Variants in ANKRD13C observed in about 807,000 individuals in gnomAD.
ANKRD13C encodes the protein ankyrin repeat domain 13C.
ANKRD13C carries 16 observed loss-of-function variants against 65.5 expected under a neutral mutation model. That is an observed-to-expected ratio of 0.24 (90% CI 0.17 to 0.37). The LOEUF (loss-of-function observed/expected upper bound fraction) is 0.37, where lower values mean the gene tolerates loss of function less well. Ranked by LOEUF, ANKRD13C falls within the 10% of genes least tolerant of loss-of-function variation. The pLI is 1.00. For missense variants in ANKRD13C, 503 were observed against 655.9 expected (o/e 0.77, Z 2.55); for synonymous variants, 235 against 238.7 (o/e 0.98, Z 0.14).
chr1:70,347,645 G>A (rs1344518190), intron 1 of ANKRD13C, among the ~76,000 whole-genome samples: 1 of 152,112 alleles, frequency 6.6e-6, no homozygotes, highest in Admixed American at 6.6e-5. Context: ...GTAAGCAGTG[G>A]GTGAAGTTCT....
At chr1:70,271,976 C>T (rs61785284) in intron 11 of ANKRD13C, among the ~76,000 whole-genome samples, 12,175 of 152,040 alleles carry the variant, frequency 0.08, 565 homozygotes, top group South Asian at 0.22. Context: ...TCAGTTACAT[C>T]GATTCTGTTC....
At chr1:70,270,828 TA>T in intron 12 of ANKRD13C, 27 bp downstream of exon 12, 1 of 1,470,870 alleles carries the variant, frequency 6.8e-7, no homozygotes, top group Non-Finnish European at 9.4e-7. Context: ...TAATGGACAC[TA>T]AAATTATATC....
At chr1:70,278,408 A>T (rs1356574647) in intron 9 of ANKRD13C, among the ~76,000 whole-genome samples, 1 of 151,174 alleles carries the variant, frequency 6.6e-6, no homozygotes, top group African/African-American at 2.4e-5. Flanking sequence ...CAGGAGAATC[A>T]CCTGAACCCA....
At chr1:70,269,761 G>A (rs1167907503) in intron 12 of ANKRD13C, among the ~76,000 whole-genome samples, 1 of 150,230 alleles carries the variant, frequency 6.7e-6, no homozygotes, top group East Asian at 1.9e-4. Context: ...TTTTCATCTA[G>A]AAAATGTTTA....
chr1:70,274,608 T>C, intron 11 of ANKRD13C, 112 bp downstream of exon 11: 1 of 794,930 alleles, frequency 1.3e-6, no homozygotes, highest in Non-Finnish European at 2.1e-6. Flanking sequence ...GCAATGGCTA[T>C]TTGCTTTTCA....
chr1:70,336,147 A>T (rs770204858), intron 1 of ANKRD13C, 48 bp from the exon 2 acceptor site: 2 of 519,514 alleles, frequency 3.8e-6, no homozygotes, highest in Admixed American at 4.9e-5. Context: ...GTAAAAACAT[A>T]AGAACATTTA....
rs571339441 is a variant in ANKRD13C, at chr1:70,318,194, T to G, written c.578-2628A>C. Among the ~76,000 whole-genome samples, 3 of 152,324 alleles carry G rather than the reference T, an allele frequency of 2.0e-5. No homozygotes were observed. In the South Asian group the frequency reaches 6.2e-4, roughly 32 times the overall value. On this transcript the variant is annotated intron_variant, in intron 3 of 12. Transcript: ENST00000370944. The stretch of plus-strand genomic sequence containing the variant: ...CCTTTTTAGGGATCAGTATTTGTAT[T>G]CCCATATTGTAAGAATTTTATTAAT...
At chr1:70,306,913 T>C (rs1680610834) in intron 5 of ANKRD13C, among the ~76,000 whole-genome samples, 1 of 152,204 alleles carries the variant, frequency 6.6e-6, no homozygotes, top group Non-Finnish European at 1.5e-5. Flanking sequence ...TTATTTATTA[T>C]CTGCTATTTT....
In ANKRD13C at chr1:70,354,402, C is replaced by T. The variant is rs544286608; in HGVS notation, c.7G>A (p.Gly3Arg). The change falls in exon 1 of 13, where the codon GGG becomes AGG. Residue 3 changes from glycine to arginine, a missense_variant. Transcript: ENST00000370944. MT[G>R]EKIRSLRRDH... Reference sequence around the variant, plus strand: ...CTCCGCAGTGAGCGGATCTTCTCCCCGGTCATCGCCGCCGCCAGGGGCAAG... The same window carrying T: ...CTCCGCAGTGAGCGGATCTTCTCCCTGGTCATCGCCGCCGCCAGGGGCAAG... 1.1e-5 allele frequency: 17 copies of T among 1,610,486 alleles called. No homozygotes were observed. Among genetic ancestry groups the T allele is most frequent in the South Asian group, 3.3e-5 (3 of 90,878 alleles).
intron 7 of ANKRD13C, among the ~76,000 whole-genome samples, chr1:70,296,668 T>C (rs1680093520): frequency 6.6e-6 from 1 of 152,210 alleles, no homozygotes; most frequent in South Asian, 2.1e-4. Context: ...CAATACAGAT[T>C]AATCTTACTT....
rs11359618 is a variant in ANKRD13C, at chr1:70,302,725, CAAAAAAAAAAAAA to C, written c.777-1830_777-1818del. Among the ~76,000 whole-genome samples the C allele has an allele frequency of 2.2e-4, 7 of 32,164 alleles. 1 individual carries two copies. Among genetic ancestry groups the C allele is most frequent in the Admixed American group, 7.1e-4 (1 of 1,410 alleles). 21.1% of individuals were successfully genotyped at this position (32,164 alleles called of 152,430 possible). ...TGGGCGACAGAGCGAGACTCCGTCT[CAAAAAAAAAAAAA>C]AAAAAAAAAAAAAAAAAGAAAATAG... On this transcript the variant is annotated intron_variant, in intron 6 of 12. Coordinates refer to ENST00000370944, the MANE Select transcript of ANKRD13C (RefSeq NM_030816.5).
At chr1:70,345,951 C>T (rs1682509509) in intron 1 of ANKRD13C, among the ~76,000 whole-genome samples, 1 of 152,094 alleles carries the variant, frequency 6.6e-6, no homozygotes, top group African/African-American at 2.4e-5. Context: ...AGCTTACACT[C>T]AAATACCCCT....
chr1:70,344,489 T>C (rs1045239516), intron 1 of ANKRD13C, among the ~76,000 whole-genome samples: 1 of 151,544 alleles, frequency 6.6e-6, no homozygotes, highest in African/African-American at 2.4e-5. Context: ...TAAATGCAAA[T>C]AATCAATAGA....
chr1:70,320,590 C>A (rs746436093), intron 3 of ANKRD13C, among the ~76,000 whole-genome samples: 3 of 152,120 alleles, frequency 2.0e-5, no homozygotes, highest in Non-Finnish European at 4.4e-5. Flanking sequence ...CTGTCTCGGC[C>A]TCCCAAAGTG....
At chr1:70,329,877 G>C (rs1045165808) in intron 2 of ANKRD13C, among the ~76,000 whole-genome samples, 2 of 152,218 alleles carry the variant, frequency 1.3e-5, no homozygotes, top group East Asian at 3.9e-4. Flanking sequence ...CGGATCAGGA[G>C]ATCAGGAGTT....
chr1:70,290,215 T>TATCAC (rs1397168633), intron 9 of ANKRD13C, among the ~76,000 whole-genome samples: 88 of 152,172 alleles, frequency 5.8e-4, no homozygotes, highest in African/African-American at 2.0e-3. Context: ...TATATGATCT[T>TATCAC]TCTAAATATT....
At chr1:70,339,614 C>T (rs933455890) in intron 1 of ANKRD13C, among the ~76,000 whole-genome samples, 18 of 151,944 alleles carry the variant, frequency 1.2e-4, no homozygotes, top group African/African-American at 4.1e-4. Flanking sequence ...CCACCGCGCT[C>T]GGCCTTCTAA....
rs1680674725 is a variant in ANKRD13C, at chr1:70,308,305, T to C, written c.710-2015A>G. Among the ~76,000 whole-genome samples the C allele has an allele frequency of 4.6e-5, 7 of 152,140 alleles. No individual in the cohort carries two copies. The South Asian group carries it at 1.4e-3, about 32-fold the overall frequency. The stretch of plus-strand genomic sequence containing the variant: ...GCCACCATACCCAGCCAACATTATA[T>C]CTTTTGAAGTAATTATAACACCCTA... On this transcript the variant is annotated intron_variant, in intron 5 of 12. Coordinates refer to ENST00000370944, the MANE Select transcript of ANKRD13C (RefSeq NM_030816.5).
At position 70,262,725 on chromosome 1, in the gene ANKRD13C, C is replaced by G. The variant is rs1678435922; in HGVS notation, c.1618G>C (p.Asp540His). ...ATCCTTTTCCACGTCAGTTAAAGAT[C>G]AGGAAAACGGCTTGGGTCTTCCTTG... ...DYKEDPSRFP[D>H]L The change falls in exon 13 of 13, where the codon GAT (aspartate) becomes CAT (histidine). Residue 540 changes from aspartate (D) to histidine (H), a missense_variant. This residue lies in a region of ANKRD13C where 300 missense variants were observed against 478.3 expected (regional missense o/e 0.63). Transcript: ENST00000370944. The G allele has an allele frequency of 6.2e-7, 1 of 1,611,882 alleles. No individual in the cohort carries two copies.
Sources: allele counts gnomAD v4.1 joint callset (sites outside exome capture counted in the v4.1 genomes callset), GRCh38; gene constraint gnomAD v4.1.1; regional missense constraint gnomAD v4.1.1; transcripts MANE v1.5; gene names NCBI Gene and HGNC (gene_info 2026-07-23, HGNC 2026-07-21).